The following CATSPERB variants were observed in gnomAD, a reference collection of about 807,000 sequenced individuals.
CATSPERB encodes the protein cation channel sperm-associated auxiliary subunit beta.
CATSPERB carries 93 observed loss-of-function variants against 128.3 expected under a neutral mutation model. The ratio of observed to expected loss-of-function variants is 0.72; its 90% CI spans 0.61 to 0.86. CATSPERB has a LOEUF of 0.86. Among genes scored for constraint, CATSPERB ranks in the 40% least tolerant of loss-of-function variants. The pLI is 0.00. For synonymous variants in CATSPERB, 381 were observed against 448.8 expected (o/e 0.85, Z 1.91); for missense variants, 1,153 against 1,329.5 (o/e 0.87, Z 2.06).
At chr14:91,592,206 C>A in intron 22 of CATSPERB, 1 of 568,668 alleles carries the variant, frequency 1.8e-6, no homozygotes, top group Non-Finnish European at 3.1e-6. Flanking sequence ...GTAATTTGAA[C>A]CCAAGTATTA....
At chr14:91,707,205 G>A (rs1206118329) in intron 6 of CATSPERB, among the ~76,000 whole-genome samples, 1 of 152,098 alleles carries the variant, frequency 6.6e-6, no homozygotes, top group Admixed American at 6.5e-5. Context: ...TCTCCCTTTA[G>A]TTCCTCAAAC....
intron 22 of CATSPERB, among the ~76,000 whole-genome samples, chr14:91,602,404 T>C (rs1393610891): frequency 6.6e-6 from 1 of 152,216 alleles, no homozygotes; most frequent in Non-Finnish European, 1.5e-5. Flanking sequence ...AAATCCATTA[T>C]GACTAGCAAT....
intron 26 of CATSPERB, 60 bp downstream of exon 26, chr14:91,587,142 G>A: frequency 7.4e-7 from 1 of 1,347,630 alleles, no homozygotes; most frequent in Non-Finnish European, 1.0e-6. Flanking sequence ...CTCTTGAATT[G>A]GTTTTGTCAT....
intron 21 of CATSPERB, 53 bp downstream of exon 21, chr14:91,610,427 A>C (rs1225271079): frequency 1.0e-5 from 15 of 1,478,240 alleles, no homozygotes; most frequent in Middle Eastern, 3.5e-4. Context: ...CAATCACACA[A>C]AAGTCACATA....
chr14:91,663,107 C>T (rs1894913430), intron 14 of CATSPERB, among the ~76,000 whole-genome samples: 1 of 151,976 alleles, frequency 6.6e-6, no homozygotes, highest in East Asian at 1.9e-4. Context: ...TTCTGCTTCC[C>T]CCTCCTCCTT....
At chr14:91,690,008 T>A (rs1316756446) in intron 10 of CATSPERB, among the ~76,000 whole-genome samples, 1 of 152,210 alleles carries the variant, frequency 6.6e-6, no homozygotes, top group African/African-American at 2.4e-5. Flanking sequence ...TAATTTTTAT[T>A]TTGAGACAGA....
chr14:91,634,255 G>A (rs940097329), intron 17 of CATSPERB, among the ~76,000 whole-genome samples: 2 of 152,154 alleles, frequency 1.3e-5, no homozygotes, highest in African/African-American at 4.8e-5. Flanking sequence ...TATTTCTTAA[G>A]TGGAATGGAT....
chr14:91,610,461 C>A lies in CATSPERB; in HGVS notation c.2598+19G>T. The A allele has an allele frequency of 6.3e-7, 1 of 1,595,388 alleles. No homozygotes were observed. ...TAGCATTGCTTCTTAAACCAATATACTTAGATTTTTTTTTTTACCGGCAAA... is the reference window on the plus strand; with the variant it reads ...TAGCATTGCTTCTTAAACCAATATAATTAGATTTTTTTTTTTACCGGCAAA... On this transcript the variant is annotated intron_variant, in intron 21 of 26. Coordinates refer to ENST00000256343, the MANE Select transcript of CATSPERB (RefSeq NM_024764.4).
Position 91,728,820 on chromosome 14 carries a change from A to G in CATSPERB, c.79+581T>C, listed in dbSNP as rs78917865. 5.2e-3 allele frequency among the ~76,000 whole-genome samples: 790 copies of G among 152,338 alleles called. 7 individuals carry two copies. The highest frequency in any genetic ancestry group is 0.018 in the African/African-American group (738 of 41,584). ...AATGCCTGCTCTGACTACCATAAAA[A>G]TCCACTGTGGGACAAACGTACAGAA... On this transcript the variant is annotated intron_variant, in intron 2 of 26. Transcript: ENST00000256343.
At chr14:91,618,022 G>T (rs2139784323) in intron 19 of CATSPERB, among the ~76,000 whole-genome samples, 1 of 152,280 alleles carries the variant, frequency 6.6e-6, no homozygotes, top group Non-Finnish European at 1.5e-5. Flanking sequence ...GAAAGTAGAG[G>T]AATAAAAGAA....
In CATSPERB at chr14:91,608,186, A is replaced by G. The variant is rs1284360265; in HGVS notation, c.2709+108T>C. 21 of 674,806 alleles carry G rather than the reference A, an allele frequency of 3.1e-5. No homozygotes were observed. The Middle Eastern group carries it at 1.6e-3, about 53-fold the overall frequency. The allele number at this position is 674,806 out of a possible 1,614,324, so 41.8% of individuals were successfully genotyped here. ...GAGGAACAGAGTAGCAATCACGATA[A>G]TAACAGCTTCACCTTCTCATTTAAC... On this transcript the variant is annotated intron_variant, in intron 22 of 26. Transcript: ENST00000256343.
intron 7 of CATSPERB, among the ~76,000 whole-genome samples, chr14:91,697,176 A>G (rs1205345494): frequency 6.6e-6 from 1 of 152,148 alleles, no homozygotes; most frequent in East Asian, 1.9e-4. Context: ...ACTAGCATGC[A>G]ATTTTTCCCC....
chr14:91,725,016 G>T, intron 3 of CATSPERB, 64 bp downstream of exon 3: 1 of 719,042 alleles, frequency 1.4e-6, no homozygotes, highest in Non-Finnish European at 2.2e-6. Flanking sequence ...CAATGCTATT[G>T]GTTTTACACA....
chr14:91,615,255 C>T (rs1053793261), intron 20 of CATSPERB, among the ~76,000 whole-genome samples: 1 of 152,164 alleles, frequency 6.6e-6, no homozygotes. Flanking sequence ...CATAGGAACT[C>T]GACCCCTATT....
At chr14:91,706,048 A>T (rs1895726897) in intron 6 of CATSPERB, among the ~76,000 whole-genome samples, 1 of 152,228 alleles carries the variant, frequency 6.6e-6, no homozygotes, top group Non-Finnish European at 1.5e-5. Flanking sequence ...AGGACTTTTA[A>T]AAGCAGAGAT....
chr14:91,600,152 C>T (rs1490914741), intron 22 of CATSPERB, among the ~76,000 whole-genome samples: 1 of 152,164 alleles, frequency 6.6e-6, no homozygotes, highest in Non-Finnish European at 1.5e-5. Flanking sequence ...CTGGCTCATA[C>T]AGTAATTCTA....
intron 4 of CATSPERB, among the ~76,000 whole-genome samples, 166 bp from the exon 5 acceptor site, chr14:91,719,644 T>G (rs1030872927): frequency 6.6e-6 from 1 of 152,250 alleles, no homozygotes; most frequent in Non-Finnish European, 1.5e-5. Context: ...TGCTCACATA[T>G]GTGTGAAATA....
intron 11 of CATSPERB, among the ~76,000 whole-genome samples, chr14:91,676,169 G>A (rs1265200979): frequency 6.6e-6 from 1 of 152,104 alleles, no homozygotes; most frequent in Admixed American, 6.6e-5. Context: ...TCTTTTACAT[G>A]TTTGGCTCTC....
chr14:91,718,789 G>C (rs1235577847), intron 5 of CATSPERB, among the ~76,000 whole-genome samples: 1 of 152,032 alleles, frequency 6.6e-6, no homozygotes, highest in African/African-American at 2.4e-5. Flanking sequence ...TGGGTTCCAT[G>C]ACTAAAATAA....
Sources: allele counts gnomAD v4.1 joint callset (sites outside exome capture counted in the v4.1 genomes callset), GRCh38; gene constraint gnomAD v4.1.1; transcripts MANE v1.5; gene names NCBI Gene and HGNC (gene_info 2026-07-23, HGNC 2026-07-21).